Variants in PDC observed in about 807,000 individuals in gnomAD.
PDC encodes the protein 33 kDa phototransducing protein.
Under a neutral mutation model 22.2 loss-of-function variants are expected in PDC, and 19 were observed. The ratio of observed to expected loss-of-function variants is 0.86; its 90% CI spans 0.60 to 1.26. PDC has a LOEUF of 1.26. PDC is among the 50% of genes most tolerant of loss of function. The probability of loss-of-function intolerance (pLI) is 0.00; values close to 1 mark genes in which losing one functional copy is unlikely to be tolerated. For synonymous variants in PDC, 97 were observed against 96.2 expected, an observed-to-expected ratio of 1.01 and a Z score of -0.05; for missense variants, 274 against 286.8, an observed-to-expected ratio of 0.96 and a Z score of 0.32.
chr1:186,446,910 A>T (rs1272107211), intron 2 of PDC, among the ~76,000 whole-genome samples: 1 of 152,198 alleles, frequency 6.6e-6, no homozygotes, highest in Non-Finnish European at 1.5e-5. Flanking sequence ...TGGAAAAAAT[A>T]GCACTTTTAT....
chr1:186,459,782 T>TATATATATATA (rs1662544269), intron 1 of PDC, among the ~76,000 whole-genome samples: 5 of 75,788 alleles, frequency 6.6e-5, no homozygotes, highest in Admixed American at 1.4e-4. Flanking sequence ...ATATATATAT[T>TATATATATATA]TAAAATGGAC....
intron 1 of PDC, among the ~76,000 whole-genome samples, chr1:186,454,322 G>A (rs940684276): frequency 2.6e-5 from 4 of 151,664 alleles, no homozygotes; most frequent in Non-Finnish European, 5.9e-5. Flanking sequence ...GGGATTACAG[G>A]CACACGCCAC....
chr1:186,444,126 T>C lies in PDC; in HGVS notation c.594A>G (p.Ile198Met), dbSNP rs199564701. 129 of 1,614,058 alleles carry C rather than the reference T, an allele frequency of 8.0e-5. 1 individual carries two copies. The East Asian group carries it at 2.3e-3, about 29-fold the overall frequency. The change falls in exon 4 of 4, where the codon ATA (isoleucine) becomes ATG (methionine). Residue 198 changes from isoleucine (I) to methionine (M), a missense_variant. Physicochemically the swap from Ile to Met is conservative, Grantham distance 10 (BLOSUM62 1). Coordinates refer to ENST00000391997, the MANE Select transcript of PDC (RefSeq NM_002597.5). ...GTTCAGCAACACTAATAAAATTGCT[T>C]ATGAGTTCCCCACCTTTATAGATGA... is the stretch of plus-strand genomic sequence containing the variant. ...TLLIYKGGEL[I>M]SNFISVAEQF...
rs1380208584 is a variant in PDC, at chr1:186,446,433, C to T, written c.206G>A (p.Ser69Asn). Residue 69 changes from serine to asparagine, a missense_variant, in exon 3 of 4, where the codon AGC becomes AAC. By Grantham distance (46) the Ser-to-Asn change is conservative. Transcript: ENST00000391997. ...CTTTTTGTATTATCTTACCTTTCTGCTGACTCGTTCCTTTGAATCTTTGCC... is the reference window on the plus strand; with the variant it reads ...CTTTTTGTATTATCTTACCTTTCTGTTGACTCGTTCCTTTGAATCTTTGCC... ...RNGKDSKERV[S>N]RKMSIQEYEL... is the part of the protein sequence containing the mutation. 11 of 1,597,040 alleles carry T rather than the reference C, an allele frequency of 6.9e-6. No homozygotes were observed. In the East Asian group the frequency reaches 2.5e-4, roughly 36 times the overall value.
In PDC at chr1:186,444,381, A is replaced by C; in HGVS notation, c.339T>G (p.Phe113Leu). ...GCTTTCCAGTTTCCAGCTCATACAC[A>C]AACCCATATCTAGGCCCAAAACTCA... ...QKLSFGPRYGFVYELETGKQF... is the reference protein window; with the variant it reads ...QKLSFGPRYGLVYELETGKQF... The change falls in exon 4 of 4, where the codon TTT becomes TTG. Residue 113 changes from phenylalanine (F) to leucine (L), a missense_variant. By Grantham distance (22) the Phe-to-Leu change is conservative. Coordinates refer to ENST00000391997, the MANE Select transcript of PDC (RefSeq NM_002597.5). 1 of 1,614,098 alleles carries C rather than the reference A, an allele frequency of 6.2e-7. No individual in the cohort carries two copies. The highest frequency in any genetic ancestry group is 8.5e-7 in the Non-Finnish European group (1 of 1,179,988).
intron 3 of PDC, 98 bp from the exon 4 acceptor site, chr1:186,444,604 T>C (rs1662183360): frequency 5.3e-6 from 4 of 753,482 alleles, no homozygotes; most frequent in Non-Finnish European, 6.3e-6. Flanking sequence ...TTTTGCTCTT[T>C]TTTTTCTGCC....
chr1:186,444,228 T>C lies in PDC; in HGVS notation c.492A>G (p.Ile164Met), dbSNP rs1238553625. ...AAGCTTTTATTTTACAAAACTTAACTATAGGGTATTCTGCTGCAAGGCATG... is the reference window on the plus strand; with the variant it reads ...AAGCTTTTATTTTACAAAACTTAACCATAGGGTATTCTGCTGCAAGGCATG... ...SLTCLAAEYP[I>M]VKFCKIKASN... The change falls in exon 4 of 4, where the codon ATA (isoleucine) becomes ATG (methionine). Residue 164 changes from isoleucine (I) to methionine (M), a missense_variant. Transcript: ENST00000391997. 1.2e-6 allele frequency: 2 copies of C among 1,614,102 alleles called. No homozygotes were observed. The highest frequency in any genetic ancestry group is 2.2e-5 in the East Asian group (1 of 44,876).
At chr1:186,450,955 C>A (rs77724677) in intron 1 of PDC, 1 of 152,054 alleles carries the variant, frequency 6.6e-6, no homozygotes, top group African/African-American at 2.4e-5. Context: ...CTCCTTCTTT[C>A]GAAGTCAGTT....
intron 2 of PDC, 112 bp downstream of exon 2, chr1:186,449,287 T>C: frequency 2.1e-6 from 1 of 487,678 alleles, no homozygotes; most frequent in Non-Finnish European, 3.5e-6. Flanking sequence ...AGCATAACAA[T>C]TTATATAAAG....
chr1:186,444,292 T>G lies in PDC; in HGVS notation c.428A>C (p.Asp143Ala), dbSNP rs374625284. Residue 143 changes from aspartate to alanine, a missense_variant, in exon 4 of 4, where the codon GAT becomes GCT. Physicochemically the swap from Asp to Ala is moderately radical, Grantham distance 126. Coordinates refer to ENST00000391997, the MANE Select transcript of PDC (RefSeq NM_002597.5). ...TAGAGCATCACAACCCTTAATACCA[T>G]CTTCATAAATGTGAACAACAATTGT... is the stretch of plus-strand genomic sequence containing the variant. ...ITTIVVHIYE[D>A]GIKGCDALNS... 9.9e-6 allele frequency: 16 copies of G among 1,613,806 alleles called. No individual in the cohort carries two copies. The East Asian group carries it at 3.3e-4, about 34-fold the overall frequency.
At chr1:186,460,720 A>G (rs555030216) in intron 1 of PDC, among the ~76,000 whole-genome samples, 1 of 152,234 alleles carries the variant, frequency 6.6e-6, no homozygotes, top group South Asian at 2.1e-4. Flanking sequence ...AAGTGCAAGG[A>G]CTCATCATTT....
In PDC at chr1:186,444,432, C is replaced by T. The variant is rs752886840; in HGVS notation, c.288G>A (p.Gln96=). ...GCTTCTGGTGCATATCCTGCATACACTGTCTACGGTATTTACGAAGGCAGT... is the reference window on the plus strand; with the variant it reads ...GCTTCTGGTGCATATCCTGCATACATTGTCTACGGTATTTACGAAGGCAGT... ...DENCLRKYRR[Q]CMQDMHQKLS... The change falls in exon 4 of 4, where the codon CAG becomes CAA. Residue 96 remains glutamine, a synonymous_variant. Transcript: ENST00000391997. 1.2e-6 allele frequency: 2 copies of T among 1,613,098 alleles called. No homozygotes were observed. The highest frequency in any genetic ancestry group is 1.7e-5 in the Admixed American group (1 of 60,022).
rs1160525554 is a variant in PDC, at chr1:186,458,664, T to C, written c.-25+2395A>G. 2.6e-5 allele frequency among the ~76,000 whole-genome samples: 4 copies of C among 151,872 alleles called. No homozygotes were observed. In the East Asian group the frequency reaches 5.8e-4, roughly 22 times the overall value. On this transcript the variant is annotated intron_variant, in intron 1 of 3. Transcript: ENST00000391997. ...CCCCACAGGGTCATTTAAGAAAATG[T>C]ATGCATGTTTCTGATTCATAACTAT...
intron 1 of PDC, among the ~76,000 whole-genome samples, chr1:186,455,009 C>A (rs1291464222): frequency 6.6e-6 from 1 of 152,174 alleles, no homozygotes; most frequent in Non-Finnish European, 1.5e-5. Flanking sequence ...TTCTGCCACT[C>A]TTCTATTTGT....
At chr1:186,456,059 A>G (rs1363265204) in intron 1 of PDC, among the ~76,000 whole-genome samples, 1 of 145,192 alleles carries the variant, frequency 6.9e-6, no homozygotes, top group Non-Finnish European at 1.5e-5. Context: ...GTTAGGCAAT[A>G]CAAATGCCAG....
intron 1 of PDC, among the ~76,000 whole-genome samples, chr1:186,451,918 G>T (rs1224022070): frequency 1.3e-5 from 2 of 152,170 alleles, no homozygotes; most frequent in African/African-American, 4.8e-5. Context: ...AATCAACTGG[G>T]TTGCCTGTTT....
At chr1:186,451,442 C>T (rs185552027) in intron 1 of PDC, among the ~76,000 whole-genome samples, 11 of 152,024 alleles carry the variant, frequency 7.2e-5, no homozygotes, top group East Asian at 3.9e-4. Context: ...ATTTTTACTT[C>T]GAAAGAAAAC....
Position 186,446,488 on chromosome 1 carries a change from T to C in PDC, c.151A>G (p.Arg51Gly). The change falls in exon 3 of 4, where the codon AGG (arginine) becomes GGG (glycine). Residue 51 changes from arginine to glycine, a missense_variant. Arg to Gly is a moderately radical substitution (Grantham distance 125). Coordinates refer to ENST00000391997, the MANE Select transcript of PDC (RefSeq NM_002597.5). Reference sequence around the variant, plus strand: ...CTACTCTGAGGAGAAGACATTTGCCTGAGAATCTCCTTCTTGCTAGGTGGA... The same window carrying C: ...CTACTCTGAGGAGAAGACATTTGCCCGAGAATCTCCTTCTTGCTAGGTGGA... ...SIPPSKKEIL[R>G]QMSSPQSRNG... The C allele has an allele frequency of 6.2e-7, 1 of 1,607,186 alleles. No homozygotes were observed. The highest frequency in any genetic ancestry group is 1.1e-5 in the South Asian group (1 of 90,584).
chr1:186,459,135 C>T (rs1296799801), intron 1 of PDC, among the ~76,000 whole-genome samples: 1 of 152,022 alleles, frequency 6.6e-6, no homozygotes, highest in Non-Finnish European at 1.5e-5. Context: ...GCACTCCAGC[C>T]TGGGGGACAG....
Sources: gnomAD v4.1 joint callset for allele counts (sites outside exome capture counted in the v4.1 genomes callset) on GRCh38, gnomAD v4.1.1 for gene constraint, MANE v1.5 for transcripts, NCBI Gene and HGNC (gene_info 2026-07-23, HGNC 2026-07-21) for gene names.